Variants in CHL1 observed in about 807,000 individuals in gnomAD.
The protein encoded by CHL1 is neural cell adhesion molecule L1-like protein.
Under a neutral mutation model 141.9 loss-of-function variants are expected in CHL1, and 96 were observed. The observed-to-expected ratio is 0.68, with a 90% CI of 0.57 to 0.80. The LOEUF is 0.80. Ranked by LOEUF, CHL1 falls within the 30% of genes least tolerant of loss-of-function variation. The pLI is 0.00. For synonymous variants in CHL1, 613 were observed against 502.2 expected, an observed-to-expected ratio of 1.22 and a Z score of -2.95; for missense variants, 1,820 against 1,457.2, an observed-to-expected ratio of 1.25 and a Z score of -4.05.
chr3:310,114 G>T (rs1014288342), intron 2 of CHL1, among the ~76,000 whole-genome samples: 1 of 152,098 alleles, frequency 6.6e-6, no homozygotes, highest in African/African-American at 2.4e-5. Context: ...TTAATAACAA[G>T]AGAATAGTAG....
chr3:380,127 A>C (rs1024736227), intron 16 of CHL1, among the ~76,000 whole-genome samples: 2 of 152,236 alleles, frequency 1.3e-5, no homozygotes, highest in African/African-American at 4.8e-5. Context: ...GAAGCTTCAG[A>C]AATCAGTGGA....
At chr3:288,892 T>C (rs960186545) in intron 2 of CHL1, among the ~76,000 whole-genome samples, 1 of 152,212 alleles carries the variant, frequency 6.6e-6, no homozygotes, top group Non-Finnish European at 1.5e-5. Flanking sequence ...TTTTATCTAT[T>C]TAGTGTTATT....
At chr3:241,736 T>C (rs1374844797) in intron 1 of CHL1, among the ~76,000 whole-genome samples, 1 of 152,184 alleles carries the variant, frequency 6.6e-6, no homozygotes, top group South Asian at 2.1e-4. Flanking sequence ...CTTAAATTAC[T>C]TTCTTTTTAA....
At chr3:345,884 A>G (rs1311735478) in intron 9 of CHL1, among the ~76,000 whole-genome samples, 1 of 152,220 alleles carries the variant, frequency 6.6e-6, no homozygotes, top group Admixed American at 6.5e-5. Context: ...GTACATGTAA[A>G]CAGGGACCAT....
intron 2 of CHL1, among the ~76,000 whole-genome samples, chr3:283,114 T>C (rs1315549521): frequency 6.6e-6 from 1 of 152,202 alleles, no homozygotes; most frequent in Non-Finnish European, 1.5e-5. Flanking sequence ...GGGATCCTCA[T>C]TTATGGGAAA....
chr3:307,845 T>C (rs1228411623), intron 2 of CHL1, among the ~76,000 whole-genome samples: 2 of 152,242 alleles, frequency 1.3e-5, no homozygotes, highest in Admixed American at 6.5e-5. Flanking sequence ...TGACTATACT[T>C]ATGGGGTACA....
intron 2 of CHL1, among the ~76,000 whole-genome samples, chr3:314,759 G>A (rs1700037290): frequency 1.3e-5 from 2 of 152,084 alleles, no homozygotes; most frequent in South Asian, 4.2e-4. Flanking sequence ...CAGAGAGAAA[G>A]AGGAAAAAGG....
Position 401,649 on chromosome 3 carries a change from C to A in CHL1, c.3409C>A (p.Pro1137Thr). Residue 1137 changes from proline (P) to threonine (T), a missense_variant, in exon 27 of 28, where the codon CCA becomes ACA. By Grantham distance (38) the Pro-to-Thr change is conservative (BLOSUM62 -1). Coordinates refer to ENST00000256509, the MANE Select transcript of CHL1 (RefSeq NM_006614.4). ...AGTTAAAGAAAAGGAAGATTTGCATCCAGACCCAGAAATTCAGTCAGTAAA... is the reference window on the plus strand; with the variant it reads ...AGTTAAAGAAAAGGAAGATTTGCATACAGACCCAGAAATTCAGTCAGTAAA... The part of the protein sequence containing the change: ...YSVKEKEDLH[P>T]DPEIQSVKDE... The A allele has an allele frequency of 1.3e-6, 2 of 1,596,646 alleles. No homozygotes were observed. The highest frequency in any genetic ancestry group is 1.7e-6 in the Non-Finnish European group (2 of 1,171,456).
intron 2 of CHL1, among the ~76,000 whole-genome samples, chr3:274,578 G>A (rs751670613): frequency 6.6e-6 from 1 of 152,170 alleles, no homozygotes; most frequent in Non-Finnish European, 1.5e-5. Context: ...CACAGTTACT[G>A]TTTGGTTTAT....
At chr3:363,611 C>T in intron 14 of CHL1, 1 of 387,420 alleles carries the variant, frequency 2.6e-6, no homozygotes, top group Non-Finnish European at 4.6e-6. Context: ...AGCCAGGTGT[C>T]TGTAGTGACA....
Position 363,213 on chromosome 3 carries a change from A to G in CHL1, c.1419-4A>G, listed in dbSNP as rs1179599463. Reference sequence around the variant, plus strand: ...AGATGGATGTACGCTTTCTTTGTCCATAGGCAGAAGGTGGAAGAAGTGAAA... The same window carrying G: ...AGATGGATGTACGCTTTCTTTGTCCGTAGGCAGAAGGTGGAAGAAGTGAAA... On this transcript the variant is annotated splice_region_variant and splice_polypyrimidine_tract_variant and intron_variant, in intron 13 of 27. Coordinates refer to ENST00000256509, the MANE Select transcript of CHL1 (RefSeq NM_006614.4). 2.5e-6 allele frequency: 4 copies of G among 1,606,020 alleles called. No individual in the cohort carries two copies. Among genetic ancestry groups the G allele is most frequent in the East Asian group, 4.5e-5 (2 of 44,810 alleles).
intron 5 of CHL1, 41 bp from the exon 6 acceptor site, chr3:340,753 T>C: frequency 6.7e-7 from 1 of 1,500,626 alleles, no homozygotes. Context: ...ATAGTCAAAG[T>C]TAATTTTAAA....
chr3:378,687 G>A (rs1264830257), intron 16 of CHL1, among the ~76,000 whole-genome samples: 2 of 152,144 alleles, frequency 1.3e-5, no homozygotes, highest in Non-Finnish European at 2.9e-5. Context: ...GCCGTTTGGA[G>A]TGTTGTACTG....
At chr3:393,410 C>G (rs905087976) in intron 23 of CHL1, among the ~76,000 whole-genome samples, 5 of 151,928 alleles carry the variant, frequency 3.3e-5, no homozygotes, top group African/African-American at 1.2e-4. Flanking sequence ...TTCTCCTTAT[C>G]CTAACAATAG....
chr3:334,386 T>G (rs912358885), intron 5 of CHL1, among the ~76,000 whole-genome samples: 2 of 152,158 alleles, frequency 1.3e-5, no homozygotes, highest in Non-Finnish European at 2.9e-5. Context: ...TAATGTAGTA[T>G]TAAAACATTT....
At chr3:376,394 G>A (rs767713424) in intron 15 of CHL1, 7 of 517,310 alleles carry the variant, frequency 1.4e-5, no homozygotes, top group Non-Finnish European at 2.7e-5. Context: ...AACCTGGACT[G>A]AGGCTGGAAC....
At position 342,539 on chromosome 3, in the gene CHL1, G is replaced by C. The variant is rs77102683; in HGVS notation, c.680-445G>C. Among the ~76,000 whole-genome samples the C allele has an allele frequency of 2.3e-4, 35 of 152,234 alleles. 2 individuals carry two copies. In the East Asian group the frequency reaches 6.8e-3, roughly 29 times the overall value. ...ACTTGATTCTGTGGAGGCCAGCCTG[G>C]GTTCCCAAATGGGAAGAGTAATTAG... On this transcript the variant is annotated intron_variant, in intron 7 of 27. Transcript: ENST00000256509.
At chr3:371,218 C>G (rs1337625066) in intron 15 of CHL1, among the ~76,000 whole-genome samples, 1 of 152,044 alleles carries the variant, frequency 6.6e-6, no homozygotes, top group South Asian at 2.1e-4. Context: ...AAGTCTCCCA[C>G]TATTATTGTG....
Position 389,340 on chromosome 3 carries a change from A to T in CHL1, c.2336A>T (p.Glu779Val). The stretch of plus-strand genomic sequence containing the variant: ...GGAGCCCCAGTGGAGTGGGAAGAAG[A>T]AACAGTCACAAACCACACATTGCGG... ...PQGAPVEWEE[E>V]TVTNHTLRVM... Residue 779 changes from glutamate (E) to valine (V), a missense_variant, in exon 20 of 28, where the codon GAA becomes GTA. Glu to Val is a moderately radical substitution (Grantham distance 121). Coordinates refer to ENST00000256509, the MANE Select transcript of CHL1 (RefSeq NM_006614.4). 1 of 1,614,216 alleles carries T rather than the reference A, an allele frequency of 6.2e-7. No individual in the cohort carries two copies. The highest frequency in any genetic ancestry group is 8.5e-7 in the Non-Finnish European group (1 of 1,180,030).
Sources: allele counts gnomAD v4.1 joint callset (sites outside exome capture counted in the v4.1 genomes callset), GRCh38; gene constraint gnomAD v4.1.1; transcripts MANE v1.5; gene names NCBI Gene and HGNC (gene_info 2026-07-23, HGNC 2026-07-21).